The following RHOT1 variants were observed in gnomAD, a reference collection of about 807,000 sequenced individuals.
RHOT1 encodes ras homolog family member T1, also known as mitochondrial Rho GTPase 1.
Under a neutral mutation model 95.3 loss-of-function variants are expected in RHOT1, and 27 were observed. That is an observed-to-expected ratio of 0.28 (90% CI 0.21 to 0.39). The LOEUF is 0.39. RHOT1 is among the 10% of genes least tolerant of loss of function. The probability of loss-of-function intolerance (pLI) is 1.00; values close to 1 mark genes in which losing one functional copy is unlikely to be tolerated. For missense variants in RHOT1, 578 were observed against 786.7 expected (o/e 0.73, Z 3.17); for synonymous variants, 227 against 263.5 (o/e 0.86, Z 1.34).
intron 8 of RHOT1, among the ~76,000 whole-genome samples, chr17:32,190,919 C>T (rs1405339310): frequency 6.6e-6 from 1 of 152,134 alleles, no homozygotes; most frequent in Admixed American, 6.5e-5. Context: ...CCTCAGCCTC[C>T]CAAGTACTGG....
At chr17:32,154,849 C>T (rs891862699) in intron 1 of RHOT1, among the ~76,000 whole-genome samples, 8 of 150,664 alleles carry the variant, frequency 5.3e-5, no homozygotes, top group African/African-American at 2.0e-4. Flanking sequence ...GAGCCGTGAT[C>T]GTGCCATGCA....
intron 19 of RHOT1, among the ~76,000 whole-genome samples, chr17:32,213,205 T>C (rs1323877503): frequency 2.0e-5 from 3 of 152,256 alleles, no homozygotes; most frequent in African/African-American, 4.8e-5. Flanking sequence ...TGCAGATACA[T>C]ATATATCTCT....
At chr17:32,147,918 GTGA>G (rs201443492) in intron 1 of RHOT1, among the ~76,000 whole-genome samples, 5,758 of 152,164 alleles carry the variant, frequency 0.038, 366 homozygotes, top group African/African-American at 0.13. Flanking sequence ...ACCCATTGAG[GTGA>G]ACTGCATCTT....
At chr17:32,210,587 CGTT>C (rs1286991101) in intron 18 of RHOT1, among the ~76,000 whole-genome samples, 2 of 152,162 alleles carry the variant, frequency 1.3e-5, no homozygotes, top group Non-Finnish European at 2.9e-5. Flanking sequence ...GAATTAAAGA[CGTT>C]GTTGTTCACA....
chr17:32,214,318 T>C (rs984553362), intron 19 of RHOT1, among the ~76,000 whole-genome samples: 9 of 152,328 alleles, frequency 5.9e-5, no homozygotes, highest in Admixed American at 5.9e-4. Flanking sequence ...CGTTTGTTGT[T>C]GTACAGGTCT....
chr17:32,180,387 G>T (rs2035528485), intron 6 of RHOT1, among the ~76,000 whole-genome samples: 1 of 152,052 alleles, frequency 6.6e-6, no homozygotes, highest in African/African-American at 2.4e-5. Flanking sequence ...AACATGTGCT[G>T]TGTCAACTCA....
chr17:32,224,524 T>C (rs2039027334), intron 19 of RHOT1, 92 bp from the exon 20 acceptor site: 7 of 809,838 alleles, frequency 8.6e-6, no homozygotes, highest in Non-Finnish European at 1.4e-5. Context: ...ACAAGTGTGC[T>C]AATACTTCCC....
At chr17:32,177,556 C>T (rs1279712125) in intron 6 of RHOT1, among the ~76,000 whole-genome samples, 2 of 151,954 alleles carry the variant, frequency 1.3e-5, no homozygotes, top group Admixed American at 1.3e-4. Flanking sequence ...GAGATCGAGA[C>T]CATCCTGGCT....
At chr17:32,214,693 C>T (rs1417349006) in intron 19 of RHOT1, among the ~76,000 whole-genome samples, 1 of 152,020 alleles carries the variant, frequency 6.6e-6, no homozygotes, top group Admixed American at 6.6e-5. Context: ...TATTGGTTTC[C>T]TGTGTTAGAC....
In RHOT1 at chr17:32,173,899, T is replaced by A; in HGVS notation, c.165T>A (p.Ile55=). The A allele has an allele frequency of 6.2e-7, 1 of 1,607,096 alleles. No individual in the cohort carries two copies. The highest frequency in any genetic ancestry group is 8.5e-7 in the Non-Finnish European group (1 of 1,174,350). The change falls in exon 3 of 20, where the codon ATT becomes ATA. Residue 55 remains isoleucine, a synonymous_variant. Transcript: ENST00000545287. ...CCCCAGAGAGAGTTCCAACACACATTGTAGATTACTCAGGTAATGAATATC... is the reference window on the plus strand; with the variant it reads ...CCCCAGAGAGAGTTCCAACACACATAGTAGATTACTCAGGTAATGAATATC... ...DVTPERVPTH[I]VDYSEAEQSD...
chr17:32,175,476 G>A lies in RHOT1; in HGVS notation c.222+114G>A, dbSNP rs9905372. On this transcript the variant is annotated intron_variant, in intron 4 of 19. Transcript: ENST00000545287. ...TGGTTTTTGTGTTTTTTTTGGGACC[G>A]TGTTTCACTCTGTCACCCACTCTGT... 5.9e-5 allele frequency: 63 copies of A among 1,061,928 alleles called. No individual in the cohort carries two copies. In the East Asian group the frequency reaches 9.5e-4, roughly 16 times the overall value. The allele number at this position is 1,061,928 out of a possible 1,614,324, so 65.8% of individuals were successfully genotyped here.
At position 32,164,847 on chromosome 17, in the gene RHOT1, CAG is replaced by C. The variant is rs975414101; in HGVS notation, c.38-6193_38-6192del. ...CACCACTGCACTTCAGCCTGGGTGA[CAG>C]AGTGATACCCTGTCTCAAAAATAAA... On this transcript the variant is annotated intron_variant, in intron 1 of 19. Transcript: ENST00000545287. 2.4e-4 allele frequency among the ~76,000 whole-genome samples: 37 copies of C among 151,772 alleles called. 1 individual carries two copies. Among genetic ancestry groups the C allele is most frequent in the African/African-American group, 8.9e-4 (37 of 41,386 alleles).
chr17:32,154,073 T>C (rs1053354276), intron 1 of RHOT1, among the ~76,000 whole-genome samples: 3 of 149,194 alleles, frequency 2.0e-5, no homozygotes, highest in East Asian at 3.9e-4. Context: ...GAGGCCAAGG[T>C]GGGAGGATTG....
At chr17:32,207,767 A>G (rs1354690865) in intron 17 of RHOT1, among the ~76,000 whole-genome samples, 1 of 152,242 alleles carries the variant, frequency 6.6e-6, no homozygotes, top group Non-Finnish European at 1.5e-5. Flanking sequence ...GTGATATTAA[A>G]AAATGAAAGT....
At chr17:32,149,635 A>ATATATGTGTGTGTGTG (rs1445281403) in intron 1 of RHOT1, among the ~76,000 whole-genome samples, 23 of 59,072 alleles carry the variant, frequency 3.9e-4, no homozygotes, top group South Asian at 8.7e-4. Context: ...ATATATATAT[A>ATATATGTGTGTGTGTG]TGTGTGTGTG....
At chr17:32,177,949 C>T (rs1281001917) in intron 6 of RHOT1, among the ~76,000 whole-genome samples, 5 of 149,362 alleles carry the variant, frequency 3.3e-5, no homozygotes, top group East Asian at 4.1e-4. Context: ...CTCAGCCTCC[C>T]GAGTAGCTGG....
At chr17:32,185,268 AC>A (rs2035954948) in intron 8 of RHOT1, among the ~76,000 whole-genome samples, 1 of 151,468 alleles carries the variant, frequency 6.6e-6, no homozygotes, top group Non-Finnish European at 1.5e-5. Context: ...GCGCCACTAC[AC>A]CCTACTAATT....
chr17:32,210,997 TC>T (rs2038092577), intron 18 of RHOT1, 118 bp from the exon 19 acceptor site: 1 of 985,202 alleles, frequency 1.0e-6, no homozygotes, highest in African/African-American at 1.6e-5. Flanking sequence ...ACTGTCCTTT[TC>T]CTTTCTACAA....
At chr17:32,209,220 T>C (rs1003570333) in intron 18 of RHOT1, 1 of 464,740 alleles carries the variant, frequency 2.2e-6, no homozygotes, top group African/African-American at 2.0e-5. Context: ...CCTAATACTT[T>C]TTTTAGATGC....
Sources: allele counts gnomAD v4.1 joint callset (sites outside exome capture counted in the v4.1 genomes callset), GRCh38; gene constraint gnomAD v4.1.1; transcripts MANE v1.5; gene names NCBI Gene and HGNC (gene_info 2026-07-23, HGNC 2026-07-21).